CDH18: variants seen among roughly 807,000 people sequenced by gnomAD.
CDH18 encodes the protein cadherin 18.
In CDH18, 31 loss-of-function variants were observed where a neutral mutation model predicts 67.9. The observed-to-expected ratio is 0.46, with a 90% CI of 0.34 to 0.62. The LOEUF is 0.62. Among genes scored for constraint, CDH18 ranks in the 20% least tolerant of loss-of-function variants. The pLI is 0.01. For missense variants in CDH18, 890 were observed against 975.5 expected (o/e 0.91, Z 1.17); for synonymous variants, 362 against 347.2 (o/e 1.04, Z -0.48).
intron 2 of CDH18, among the ~76,000 whole-genome samples, chr5:19,846,892 A>G (rs1051072521): frequency 6.6e-6 from 1 of 150,752 alleles, no homozygotes; most frequent in Non-Finnish European, 1.5e-5. Flanking sequence ...TGCTGGATAT[A>G]ATATTTTTTG....
intron 2 of CDH18, among the ~76,000 whole-genome samples, chr5:20,228,607 C>A (rs1741823504): frequency 6.6e-6 from 1 of 151,936 alleles, no homozygotes; most frequent in Admixed American, 6.6e-5. Flanking sequence ...GTTCTATGAC[C>A]AACATCTCAC....
intron 2 of CDH18, among the ~76,000 whole-genome samples, chr5:20,128,193 T>G (rs1278435102): frequency 2.6e-5 from 4 of 152,050 alleles, no homozygotes; most frequent in Admixed American, 2.6e-4. Context: ...GAACCTCAGT[T>G]TGTTTCATCT....
chr5:20,044,772 G>A (rs1399434781), intron 2 of CDH18, among the ~76,000 whole-genome samples: 2 of 152,100 alleles, frequency 1.3e-5, no homozygotes, highest in African/African-American at 4.8e-5. Context: ...ACTCCATTTT[G>A]TCTCTCTATG....
intron 2 of CDH18, among the ~76,000 whole-genome samples, chr5:19,882,893 A>G (rs1350866271): frequency 5.3e-5 from 8 of 152,330 alleles, no homozygotes; most frequent in Non-Finnish European, 1.0e-4. Flanking sequence ...AGGTATCAAG[A>G]TATCTTTGGA....
At chr5:19,614,145 A>T (rs1749449694) in intron 5 of CDH18, among the ~76,000 whole-genome samples, 1 of 152,028 alleles carries the variant, frequency 6.6e-6, no homozygotes, top group African/African-American at 2.4e-5. Context: ...CTTTAAAAGC[A>T]GAAAGGAGTA....
chr5:20,432,588 C>T (rs993213189), intron 1 of CDH18, among the ~76,000 whole-genome samples: 1 of 151,956 alleles, frequency 6.6e-6, no homozygotes, highest in Non-Finnish European at 1.5e-5. Context: ...ATTGGCCGGG[C>T]TGATTTCACT....
At chr5:20,375,744 T>C (rs1743361000) in intron 1 of CDH18, among the ~76,000 whole-genome samples, 1 of 152,172 alleles carries the variant, frequency 6.6e-6, no homozygotes, top group African/African-American at 2.4e-5. Flanking sequence ...TTTATCTATG[T>C]ATTGTTTCTT....
chr5:19,675,234 G>T (rs572458651), intron 5 of CDH18, among the ~76,000 whole-genome samples: 5 of 151,620 alleles, frequency 3.3e-5, no homozygotes, highest in South Asian at 4.2e-4. Flanking sequence ...GGACTGGGGC[G>T]AAATTAAAAT....
At chr5:20,125,646 T>A (rs1444511396) in intron 2 of CDH18, among the ~76,000 whole-genome samples, 1 of 152,180 alleles carries the variant, frequency 6.6e-6, no homozygotes, top group Non-Finnish European at 1.5e-5. Flanking sequence ...AATGTCTACA[T>A]GGACCTCTGT....
chr5:19,742,426 A>G (rs1364007117), intron 4 of CDH18, among the ~76,000 whole-genome samples: 3 of 151,626 alleles, frequency 2.0e-5, no homozygotes, highest in African/African-American at 7.3e-5. Context: ...ACACACACAC[A>G]CGGACACACA....
chr5:19,537,039 C>T (rs1454376006), intron 9 of CDH18, among the ~76,000 whole-genome samples: 2 of 152,112 alleles, frequency 1.3e-5, no homozygotes, highest in Non-Finnish European at 2.9e-5. Context: ...TTGATTGAGC[C>T]ATGGAGTGCT....
At chr5:19,954,382 A>G (rs1204192800) in intron 2 of CDH18, among the ~76,000 whole-genome samples, 2 of 152,072 alleles carry the variant, frequency 1.3e-5, no homozygotes, top group Admixed American at 6.6e-5. Context: ...AAGTGGTAAA[A>G]AAGTATATTC....
At chr5:20,063,979 T>G (rs1412394439) in intron 2 of CDH18, among the ~76,000 whole-genome samples, 1 of 152,190 alleles carries the variant, frequency 6.6e-6, no homozygotes, top group Admixed American at 6.6e-5. Flanking sequence ...ATATTCACAA[T>G]GAACTAAAAG....
intron 2 of CDH18, among the ~76,000 whole-genome samples, chr5:20,032,929 T>C (rs1427363400): frequency 6.6e-6 from 1 of 152,046 alleles, no homozygotes; most frequent in Non-Finnish European, 1.5e-5. Context: ...TTTGGGTTAC[T>C]CTTAATTTTG....
At position 20,210,751 on chromosome 5, in the gene CDH18, A is replaced by T. The variant is rs868639992; in HGVS notation, c.-518+44693T>A. On this transcript the variant is annotated intron_variant, in intron 2 of 14. Transcript: ENST00000507958. The stretch of plus-strand genomic sequence containing the variant: ...TTATTAAAATATCTGGCCTTTGGAC[A>T]TAGTTTATTTCATTTCTAAGTGTCT... Among the ~76,000 whole-genome samples, 4 of 152,136 alleles carry T rather than the reference A, an allele frequency of 2.6e-5. No individual in the cohort carries two copies. The Middle Eastern group carries it at 0.01, about 393-fold the overall frequency.
At chr5:20,185,798 C>A (rs967986763) in intron 2 of CDH18, among the ~76,000 whole-genome samples, 1 of 151,970 alleles carries the variant, frequency 6.6e-6, no homozygotes, top group Non-Finnish European at 1.5e-5. Context: ...ATACACACAA[C>A]TTTATTTTCT....
chr5:19,568,666 T>A (rs1363471978), intron 8 of CDH18, among the ~76,000 whole-genome samples: 1 of 152,158 alleles, frequency 6.6e-6, no homozygotes, highest in Admixed American at 6.6e-5. Context: ...CTCTTCACTA[T>A]GTGAAAATAT....
chr5:19,535,946 C>T (rs1213696140), intron 9 of CDH18, among the ~76,000 whole-genome samples: 10 of 152,040 alleles, frequency 6.6e-5, no homozygotes, highest in Non-Finnish European at 5.9e-5. Context: ...ACATTTAGTG[C>T]ACAGAACAAG....
chr5:20,567,799 T>A (rs1758598776), intron 1 of CDH18, among the ~76,000 whole-genome samples: 1 of 152,056 alleles, frequency 6.6e-6, no homozygotes, highest in Non-Finnish European at 1.5e-5. Flanking sequence ...AAGACAACAG[T>A]TTAATGACTG....
Sources: allele counts gnomAD v4.1 joint callset (sites outside exome capture counted in the v4.1 genomes callset), GRCh38; gene constraint gnomAD v4.1.1; transcripts MANE v1.5; gene names NCBI Gene and HGNC (gene_info 2026-07-23, HGNC 2026-07-21).